ZMAT4: variants seen among roughly 807,000 people sequenced by gnomAD.
ZMAT4 encodes zinc finger matrin-type 4.
In ZMAT4, 17 loss-of-function variants were observed where a neutral mutation model predicts 28.7. The observed-to-expected ratio is 0.59, with a 90% CI of 0.41 to 0.89. The LOEUF (loss-of-function observed/expected upper bound fraction) is 0.89. Ranked by LOEUF, ZMAT4 falls within the 40% of genes least tolerant of loss-of-function variation. The pLI is 0.00. For missense variants in ZMAT4, 240 were observed against 283.8 expected (o/e 0.85, Z 1.11); for synonymous variants, 117 against 109.2 (o/e 1.07, Z -0.44).
intron 1 of ZMAT4, among the ~76,000 whole-genome samples, chr8:40,861,237 G>A (rs1817478060): frequency 6.6e-6 from 1 of 152,150 alleles, no homozygotes; most frequent in Non-Finnish European, 1.5e-5. Context: ...GATGAATCAT[G>A]ACTGAGAAAA....
chr8:40,797,561 T>G (rs893710905), intron 2 of ZMAT4, among the ~76,000 whole-genome samples: 4 of 152,082 alleles, frequency 2.6e-5, no homozygotes, highest in Non-Finnish European at 5.9e-5. Flanking sequence ...TTTGGAGAAT[T>G]TGCAAAATAA....
intron 5 of ZMAT4, among the ~76,000 whole-genome samples, chr8:40,641,175 G>C (rs529760648): frequency 2.0e-5 from 3 of 152,248 alleles, no homozygotes; most frequent in African/African-American, 7.2e-5. Context: ...AGAGATCTGT[G>C]TCAAGGCAGC....
intron 1 of ZMAT4, among the ~76,000 whole-genome samples, chr8:40,877,187 A>C (rs2137278): frequency 0.2 from 30,069 of 152,172 alleles, 3,039 homozygotes; most frequent in Admixed American, 0.24. Context: ...AGCCAAGAAC[A>C]GTGGTCAGGG....
At chr8:40,769,769 C>T (rs967229100) in intron 2 of ZMAT4, among the ~76,000 whole-genome samples, 7 of 149,876 alleles carry the variant, frequency 4.7e-5, no homozygotes, top group Non-Finnish European at 7.4e-5. Flanking sequence ...TCTCATCATG[C>T]GGCCTGGTTT....
At chr8:40,816,318 C>T (rs897354734) in intron 2 of ZMAT4, among the ~76,000 whole-genome samples, 9 of 152,090 alleles carry the variant, frequency 5.9e-5, no homozygotes, top group Admixed American at 2.0e-4. Context: ...TCTGCCAGCC[C>T]GAGTTCTAAA....
intron 5 of ZMAT4, among the ~76,000 whole-genome samples, chr8:40,622,028 C>A (rs1250003155): frequency 6.6e-6 from 1 of 152,162 alleles, no homozygotes; most frequent in Non-Finnish European, 1.5e-5. Flanking sequence ...ACTATAAGAA[C>A]ATTTATTATA....
intron 5 of ZMAT4, among the ~76,000 whole-genome samples, chr8:40,655,863 T>C (rs1015591871): frequency 3.3e-5 from 5 of 152,122 alleles, no homozygotes; most frequent in African/African-American, 1.2e-4. Flanking sequence ...AATAAAATTT[T>C]GAGGTAAATC....
intron 5 of ZMAT4, among the ~76,000 whole-genome samples, chr8:40,612,956 G>T (rs1805855037): frequency 6.6e-6 from 1 of 151,708 alleles, no homozygotes; most frequent in Admixed American, 6.6e-5. Context: ...GGGATTACAG[G>T]TGCCCGCCAC....
chr8:40,556,386 T>C (rs188643766), intron 6 of ZMAT4, among the ~76,000 whole-genome samples: 1 of 152,326 alleles, frequency 6.6e-6, no homozygotes, highest in East Asian at 1.9e-4. Flanking sequence ...ATTTCCTCCT[T>C]TATTGGAGTG....
intron 6 of ZMAT4, among the ~76,000 whole-genome samples, chr8:40,546,813 A>T (rs1803216654): frequency 6.6e-6 from 1 of 152,150 alleles, no homozygotes; most frequent in South Asian, 2.1e-4. Context: ...AATGTAGTTT[A>T]TGTGTGGTAC....
intron 3 of ZMAT4, among the ~76,000 whole-genome samples, chr8:40,742,104 A>AAAACAAAAAACAAG (rs1812032674): frequency 1.3e-5 from 2 of 151,502 alleles, no homozygotes; most frequent in African/African-American, 4.8e-5. Context: ...CAAAAAACAA[A>AAAACAAAAAACAAG]AAACCAAGCT....
At chr8:40,536,523 T>G (rs1802852359) in intron 6 of ZMAT4, among the ~76,000 whole-genome samples, 1 of 152,196 alleles carries the variant, frequency 6.6e-6, no homozygotes, top group Non-Finnish European at 1.5e-5. Flanking sequence ...TTCCTGTCTT[T>G]TACTCATTAT....
intron 4 of ZMAT4, among the ~76,000 whole-genome samples, chr8:40,686,469 G>T (rs1307025743): frequency 6.6e-6 from 1 of 151,336 alleles, no homozygotes. Context: ...CTGTCTCAAC[G>T]AAAAAAAATT....
At chr8:40,611,138 T>C (rs755567295) in intron 5 of ZMAT4, among the ~76,000 whole-genome samples, 4 of 152,214 alleles carry the variant, frequency 2.6e-5, no homozygotes, top group Non-Finnish European at 4.4e-5. Flanking sequence ...GACTATGCAA[T>C]AGCTTATTTG....
At chr8:40,766,847 C>T (rs747143460) in intron 3 of ZMAT4, among the ~76,000 whole-genome samples, 1 of 152,212 alleles carries the variant, frequency 6.6e-6, no homozygotes, top group Non-Finnish European at 1.5e-5. Context: ...ATCTACATGG[C>T]AGCAGAAAGA....
intron 6 of ZMAT4, among the ~76,000 whole-genome samples, chr8:40,538,861 C>T (rs1585657241): frequency 1.3e-5 from 2 of 152,294 alleles, no homozygotes; most frequent in Middle Eastern, 6.8e-3. Context: ...TCTCAGCTCA[C>T]TGCAACCTCT....
At chr8:40,855,935 C>T (rs1197500767) in intron 1 of ZMAT4, among the ~76,000 whole-genome samples, 1 of 151,972 alleles carries the variant, frequency 6.6e-6, no homozygotes, top group East Asian at 1.9e-4. Context: ...AAGCGATCCA[C>T]CCACCTCGAC....
chr8:40,815,510 A>G (rs1362111619), intron 2 of ZMAT4, among the ~76,000 whole-genome samples: 1 of 152,182 alleles, frequency 6.6e-6, no homozygotes, highest in Non-Finnish European at 1.5e-5. Flanking sequence ...ATCCATCTAA[A>G]TAAGACTCTG....
chr8:40,738,338 C>T (rs951029151), intron 3 of ZMAT4, among the ~76,000 whole-genome samples: 1 of 152,104 alleles, frequency 6.6e-6, no homozygotes, highest in Non-Finnish European at 1.5e-5. Flanking sequence ...TCAGACCCTG[C>T]CACAGAGCTC....
Sources: gnomAD v4.1 joint callset for allele counts (sites outside exome capture counted in the v4.1 genomes callset) on GRCh38, gnomAD v4.1.1 for gene constraint, MANE v1.5 for transcripts, NCBI Gene and HGNC (gene_info 2026-07-23, HGNC 2026-07-21) for gene names.